Variants in IL17RD observed in about 807,000 individuals in gnomAD.
IL17RD encodes interleukin-17 receptor D.
Under a neutral mutation model 80.5 loss-of-function variants are expected in IL17RD, and 52 were observed. The ratio of observed to expected loss-of-function variants is 0.65; its 90% CI spans 0.52 to 0.81. The LOEUF (loss-of-function observed/expected upper bound fraction) is 0.81. Ranked by LOEUF, IL17RD falls within the 40% of genes least tolerant of loss-of-function variation. IL17RD has a pLI of 0.00. For synonymous variants in IL17RD, 416 were observed against 391.8 expected (o/e 1.06, Z -0.73); for missense variants, 1,024 against 955.1 (o/e 1.07, Z -0.95).
At chr3:57,152,325 T>C (rs1249701979) in intron 1 of IL17RD, among the ~76,000 whole-genome samples, 1 of 152,224 alleles carries the variant, frequency 6.6e-6, no homozygotes, top group Non-Finnish European at 1.5e-5. Context: ...CCTTTCACTG[T>C]CAGGCCACAG....
At chr3:57,104,218 C>A in intron 8 of IL17RD, 124 bp downstream of exon 8, 7 of 653,196 alleles carry the variant, frequency 1.1e-5, no homozygotes, top group Admixed American at 3.1e-5. Context: ...TGTTAAGAAC[C>A]ATATAAAAAT....
At chr3:57,103,238 A>C in intron 8 of IL17RD, 93 bp from the exon 9 acceptor site, 1 of 1,113,382 alleles carries the variant, frequency 9.0e-7, no homozygotes. Flanking sequence ...CTTTTCCATC[A>C]GTGGGCAGTG....
upstream of IL17RD, among the ~76,000 whole-genome samples, chr3:57,168,374 G>A (rs1270543906): frequency 3.9e-5 from 6 of 152,116 alleles, no homozygotes; most frequent in Admixed American, 1.3e-4. Context: ...TCTGGCAACC[G>A]ACAGCCTCTG....
chr3:57,129,201 A>C (rs1454172794), intron 1 of IL17RD, among the ~76,000 whole-genome samples: 1 of 152,144 alleles, frequency 6.6e-6, no homozygotes, highest in Non-Finnish European at 1.5e-5. Flanking sequence ...TACTGGGTAC[A>C]AAGAGGAAGC....
At chr3:57,167,411 T>C (rs2060353112), upstream of IL17RD, among the ~76,000 whole-genome samples, 1 of 152,034 alleles carries the variant, frequency 6.6e-6, no homozygotes, top group Non-Finnish European at 1.5e-5. Context: ...CTTGGTACTG[T>C]CCCTGGGTTG....
Position 57,103,135 on chromosome 3 carries a change from T to G in IL17RD, c.824A>C (p.Asp275Ala). The G allele has an allele frequency of 2.5e-6, 4 of 1,603,190 alleles. No homozygotes were observed. The highest frequency in any genetic ancestry group is 2.6e-6 in the Non-Finnish European group (3 of 1,174,256). Residue 275 changes from aspartate (D) to alanine (A), a missense_variant, in exon 9 of 13, where the codon GAC (aspartate) becomes GCC (alanine). Transcript: ENST00000296318. ...PGDYIIELVD[D>A]TNTTRKVMHY... is the part of the protein sequence containing the mutation. The stretch of plus-strand genomic sequence containing the variant: ...CATCACTTTTCTTGTTGTGTTAGTG[T>G]CATCCACCAGCTGCAAAACAGAGGA...
At chr3:57,165,719 G>A (rs1387213914), upstream of IL17RD, among the ~76,000 whole-genome samples, 1 of 151,712 alleles carries the variant, frequency 6.6e-6, no homozygotes, top group Admixed American at 6.6e-5. Flanking sequence ...TTCTGTATAC[G>A]CCCAACCACA....
intron 10 of IL17RD, 31 bp downstream of exon 10, chr3:57,102,448 T>G: frequency 1.5e-6 from 2 of 1,292,930 alleles, no homozygotes; most frequent in African/African-American, 1.5e-5. Context: ...CTGCCCCTTG[T>G]TGTGGGGAGA....
intron 5 of IL17RD, among the ~76,000 whole-genome samples, chr3:57,107,787 C>T (rs1706997995): frequency 6.6e-6 from 1 of 152,168 alleles, no homozygotes; most frequent in Admixed American, 6.5e-5. Flanking sequence ...GCAAGCCCTT[C>T]ACCTTCTCTG....
chr3:57,114,717 G>C lies in IL17RD; in HGVS notation c.285C>G (p.Thr95=). The C allele has an allele frequency of 6.2e-7, 1 of 1,611,792 alleles. No homozygotes were observed. The highest frequency in any genetic ancestry group is 2.2e-5 in the East Asian group (1 of 44,828). The change falls in exon 3 of 13, where the codon ACC becomes ACG. Residue 95 remains threonine, a synonymous_variant. Transcript: ENST00000296318. ...QYACHDQVAV[T]ILWSPGALGI... is the part of the protein sequence containing the mutation. Reference sequence around the variant, plus strand: ...CGAGGGCCCCTGGGGACCAAAGAATGGTGACTGCCACTTGGTCATGGCAAG... The same window carrying C: ...CGAGGGCCCCTGGGGACCAAAGAATCGTGACTGCCACTTGGTCATGGCAAG...
intron 5 of IL17RD, among the ~76,000 whole-genome samples, chr3:57,106,672 T>A (rs1231264153): frequency 3.3e-5 from 5 of 152,216 alleles, no homozygotes. Context: ...TAAGTAGTAG[T>A]GTCAGCACTG....
rs1045627197 is a variant in IL17RD, at chr3:57,091,265, C to T, written c.*5128G>A. On this transcript the variant is annotated 3_prime_UTR_variant, in exon 13 of 13. Transcript: ENST00000296318. The stretch of plus-strand genomic sequence containing the variant: ...AGGTAAGAGCTGGTCTCAGAGTATA[C>T]ATCAGGAATAAGCACCAAGTGTTTG... 3.9e-5 allele frequency: 6 copies of T among 152,552 alleles called. No homozygotes were observed. Among genetic ancestry groups the T allele is most frequent in the African/African-American group, 1.2e-4 (5 of 41,412 alleles). 9.4% of individuals were successfully genotyped at this position (152,552 alleles called of 1,614,324 possible).
At chr3:57,157,282 C>T (rs1481399398) in intron 1 of IL17RD, among the ~76,000 whole-genome samples, 1 of 152,184 alleles carries the variant, frequency 6.6e-6, no homozygotes, top group Non-Finnish European at 1.5e-5. Context: ...AGCAGAAGCC[C>T]GTTCAAGTTT....
upstream of IL17RD, among the ~76,000 whole-genome samples, chr3:57,168,627 T>C (rs954797078): frequency 6.6e-6 from 1 of 151,678 alleles, no homozygotes; most frequent in Non-Finnish European, 1.5e-5. Flanking sequence ...TAAATTGGCA[T>C]TTGGCAACAT....
rs571325356 is a variant in IL17RD at position 57,091,221 on chromosome 3, G to A, written c.*5172C>T. ...AAATAGGATCTAAAATTGGGAGGGA[G>A]GGGTAGCTGCCACTCAGAAGGTAAG... On this transcript the variant is annotated 3_prime_UTR_variant, in exon 13 of 13. Coordinates refer to ENST00000296318, the MANE Select transcript of IL17RD (RefSeq NM_017563.5). 4.1e-4 allele frequency: 63 copies of A among 152,694 alleles called. No homozygotes were observed. The highest frequency in any genetic ancestry group is 1.5e-3 in the African/African-American group (61 of 41,538). The allele number at this position is 152,694 out of a possible 1,614,324, so 9.5% of individuals were successfully genotyped here.
intron 10 of IL17RD, among the ~76,000 whole-genome samples, 154 bp downstream of exon 10, chr3:57,102,325 C>T (rs926102163): frequency 6.6e-6 from 1 of 152,028 alleles, no homozygotes; most frequent in African/African-American, 2.4e-5. Context: ...AGGTTAAAAG[C>T]CAAATATTTT....
upstream of IL17RD, among the ~76,000 whole-genome samples, chr3:57,168,186 T>G (rs528819730): frequency 5.9e-5 from 9 of 152,176 alleles, no homozygotes; most frequent in South Asian, 1.9e-3. Context: ...ACTTAGCACT[T>G]ACAAGAGAAA....
chr3:57,165,611 G>T (rs1002789675), upstream of IL17RD, among the ~76,000 whole-genome samples: 1 of 151,464 alleles, frequency 6.6e-6, no homozygotes, highest in Non-Finnish European at 1.5e-5. Flanking sequence ...TTGTCCAAGT[G>T]ATGCTCACTC....
Position 57,094,987 on chromosome 3 carries a change from C to G in IL17RD, c.*1406G>C, listed in dbSNP as rs936283876. The G allele has an allele frequency of 2.0e-5, 3 of 152,680 alleles. No homozygotes were observed. The highest frequency in any genetic ancestry group is 7.2e-5 in the African/African-American group (3 of 41,474). The allele number at this position is 152,680 out of a possible 1,614,324, so 9.5% of individuals were successfully genotyped here. On this transcript the variant is annotated 3_prime_UTR_variant, in exon 13 of 13. Coordinates refer to ENST00000296318, the MANE Select transcript of IL17RD (RefSeq NM_017563.5). ...CTTTCCAGCAGGGGTGCAAGCCCCC[C>G]TTTCCCCACCTGCCATGCATGTGCT...
Sources: gnomAD v4.1 joint callset for allele counts (sites outside exome capture counted in the v4.1 genomes callset) on GRCh38, gnomAD v4.1.1 for gene constraint, MANE v1.5 for transcripts, NCBI Gene and HGNC (gene_info 2026-07-23, HGNC 2026-07-21) for gene names.